The following OSBPL8 variants were observed in gnomAD, a reference collection of about 807,000 sequenced individuals.
OSBPL8 encodes oxysterol-binding protein-related protein 8.
In OSBPL8, 59 loss-of-function variants were observed where a neutral mutation model predicts 125.5. That is an observed-to-expected ratio of 0.47 (90% CI 0.38 to 0.58). The LOEUF is 0.58. Among genes scored for constraint, OSBPL8 ranks in the 20% least tolerant of loss-of-function variants. OSBPL8 has a pLI of 0.00. For synonymous variants in OSBPL8, 330 were observed against 338.9 expected (o/e 0.97, Z 0.29); for missense variants, 758 against 1,047.8 (o/e 0.72, Z 3.82).
At chr12:76,508,333 A>G (rs1395163506) in intron 1 of OSBPL8, among the ~76,000 whole-genome samples, 2 of 152,260 alleles carry the variant, frequency 1.3e-5, no homozygotes, top group African/African-American at 4.8e-5. Context: ...GTCATCAGCC[A>G]TACCATATAA....
rs117389618 is a variant in OSBPL8, at chr12:76,371,833, A to G, written c.1918-249T>C. Reference sequence around the variant, plus strand: ...TTGAATATCCAGTTTGTGAAATTTCATAAGTTTTACTTAATAAATTTCAAA... The same window carrying G: ...TTGAATATCCAGTTTGTGAAATTTCGTAAGTTTTACTTAATAAATTTCAAA... On this transcript the variant is annotated intron_variant, in intron 18 of 23. Transcript: ENST00000261183. 3.3e-3 allele frequency: 916 copies of G among 275,388 alleles called. 8 individuals carry two copies. The highest frequency in any genetic ancestry group is 0.012 in the African/African-American group (539 of 45,546). The allele number at this position is 275,388 out of a possible 1,614,324, so 17.1% of individuals were successfully genotyped here. A position where few individuals can be genotyped will look rare whatever the true frequency, so the allele number is the denominator to read the frequency against.
chr12:76,368,682 C>T (rs1379178537), intron 21 of OSBPL8, among the ~76,000 whole-genome samples: 1 of 152,038 alleles, frequency 6.6e-6, no homozygotes, highest in East Asian at 1.9e-4. Context: ...CTTTTGAATA[C>T]CTCTAGTGAA....
chr12:76,558,474 G>A (rs1283181831), intron 1 of OSBPL8, among the ~76,000 whole-genome samples: 1 of 152,160 alleles, frequency 6.6e-6, no homozygotes, highest in African/African-American at 2.4e-5. Flanking sequence ...TGCCATGCAG[G>A]AGACACTGTA....
At chr12:76,435,764 G>A (rs1329363887) in intron 4 of OSBPL8, among the ~76,000 whole-genome samples, 1 of 152,172 alleles carries the variant, frequency 6.6e-6, no homozygotes, top group Non-Finnish European at 1.5e-5. Flanking sequence ...TGATGGTAAA[G>A]AAAGGAGAGT....
intron 12 of OSBPL8, among the ~76,000 whole-genome samples, chr12:76,387,656 C>A (rs552104296): frequency 6.6e-6 from 1 of 152,254 alleles, no homozygotes; most frequent in East Asian, 1.9e-4. Context: ...TTACGTTTCA[C>A]AAGCATGTCT....
chr12:76,456,068 CAAA>C (rs1285468961), intron 3 of OSBPL8, among the ~76,000 whole-genome samples: 1 of 152,050 alleles, frequency 6.6e-6, no homozygotes, highest in African/African-American at 2.4e-5. Flanking sequence ...GAACATGAAT[CAAA>C]AACATTTTTA....
chr12:76,404,551 G>A (rs1387096226), intron 5 of OSBPL8, among the ~76,000 whole-genome samples: 1 of 151,702 alleles, frequency 6.6e-6, no homozygotes, highest in Non-Finnish European at 1.5e-5. Context: ...CGCCTCTTCT[G>A]CCTCTGCCAC....
At chr12:76,418,604 G>A (rs1188450826) in intron 4 of OSBPL8, among the ~76,000 whole-genome samples, 5 of 152,104 alleles carry the variant, frequency 3.3e-5, no homozygotes, top group Admixed American at 1.3e-4. Flanking sequence ...GCTGAAGTGG[G>A]CAGATCACTT....
At chr12:76,369,325 A>C (rs759620844) in intron 20 of OSBPL8, 24 bp from the exon 21 acceptor site, 2 of 1,571,036 alleles carry the variant, frequency 1.3e-6, no homozygotes, top group Admixed American at 2.1e-5. Flanking sequence ...AAAAAAAAAA[A>C]CCATTTGCTC....
chr12:76,444,046 T>C (rs1872502362), intron 4 of OSBPL8, among the ~76,000 whole-genome samples: 1 of 152,020 alleles, frequency 6.6e-6, no homozygotes, highest in Admixed American at 6.5e-5. Flanking sequence ...GTGTGTGGGG[T>C]AAGGAGAGTC....
At chr12:76,400,451 C>A (rs770791870) in intron 6 of OSBPL8, among the ~76,000 whole-genome samples, 15 of 152,174 alleles carry the variant, frequency 9.9e-5, no homozygotes, top group Non-Finnish European at 1.5e-4. Context: ...AACAGTGCTG[C>A]AATGAACATA....
intron 5 of OSBPL8, among the ~76,000 whole-genome samples, chr12:76,403,352 C>A (rs1224380761): frequency 6.6e-6 from 1 of 152,168 alleles, no homozygotes; most frequent in East Asian, 1.9e-4. Context: ...TCTTTCCAGA[C>A]TTTCAGTTTA....
At chr12:76,505,133 T>C (rs1017641773) in intron 1 of OSBPL8, among the ~76,000 whole-genome samples, 1 of 152,182 alleles carries the variant, frequency 6.6e-6, no homozygotes, top group Non-Finnish European at 1.5e-5. Flanking sequence ...GCTCTATGTA[T>C]ATTAAATTCT....
intron 21 of OSBPL8, among the ~76,000 whole-genome samples, chr12:76,361,993 G>C (rs1307822025): frequency 6.6e-6 from 1 of 152,176 alleles, no homozygotes; most frequent in Non-Finnish European, 1.5e-5. Context: ...GTAACAAGAA[G>C]TATTCTCAAT....
Position 76,369,216 on chromosome 12 carries a change from T to C in OSBPL8, c.2326A>G (p.Met776Val), listed in dbSNP as rs763086207. 3.1e-6 allele frequency: 5 copies of C among 1,610,616 alleles called. No homozygotes were observed. The South Asian group carries it at 3.3e-5, about 11-fold the overall frequency. ...GTACCTAGTTTTTTATTACATACCATTGGAGTACGATGTTTCACTTTGGTC... is the reference window on the plus strand; with the variant it reads ...GTACCTAGTTTTTTATTACATACCACTGGAGTACGATGTTTCACTTTGGTC... Reference protein sequence around the residue: ...IQTKVKHRTPMVSVPKMKHKP... With the variant: ...IQTKVKHRTPVVSVPKMKHKP... The change falls in exon 21 of 24, where the codon ATG becomes GTG. Residue 776 changes from methionine to valine, a missense_variant and splice_region_variant. Met to Val is a conservative substitution (Grantham distance 21). Coordinates refer to ENST00000261183, the MANE Select transcript of OSBPL8 (RefSeq NM_020841.5).
intron 22 of OSBPL8, among the ~76,000 whole-genome samples, chr12:76,358,338 C>A (rs1952067624): frequency 6.6e-6 from 1 of 151,912 alleles, no homozygotes; most frequent in Non-Finnish European, 1.5e-5. Flanking sequence ...CACCACCGCA[C>A]CTGGCTAATT....
chr12:76,484,496 G>T (rs1416233854), intron 2 of OSBPL8, among the ~76,000 whole-genome samples: 2 of 152,108 alleles, frequency 1.3e-5, no homozygotes, highest in African/African-American at 4.8e-5. Flanking sequence ...GGATGTTTAC[G>T]TATGTGTAGC....
At chr12:76,440,621 A>T (rs1389851141) in intron 4 of OSBPL8, among the ~76,000 whole-genome samples, 1 of 152,140 alleles carries the variant, frequency 6.6e-6, no homozygotes, top group African/African-American at 2.4e-5. Flanking sequence ...GAATTTCTCA[A>T]GGAAGACTCT....
At position 76,389,648 on chromosome 12, in the gene OSBPL8, G is replaced by C. The variant is rs1953474467; in HGVS notation, c.1349C>G (p.Ser450Cys). ...SDYYYHADFLSEAALEENPYF... is the reference protein window; with the variant it reads ...SDYYYHADFLCEAALEENPYF... ...TAAGAAATAAGAATCTACTTACTCA[G>C]ATAGGAAATCTGCATGATAGTAGTA... The change falls in exon 12 of 24, where the codon TCT becomes TGT. Residue 450 changes from serine to cysteine, a missense_variant. Coordinates refer to ENST00000261183, the MANE Select transcript of OSBPL8 (RefSeq NM_020841.5). 1 of 1,559,716 alleles carries C rather than the reference G, an allele frequency of 6.4e-7. No homozygotes were observed. Among genetic ancestry groups the C allele is most frequent in the Non-Finnish European group, 8.7e-7 (1 of 1,152,426 alleles).
Sources: allele counts gnomAD v4.1 joint callset (sites outside exome capture counted in the v4.1 genomes callset), GRCh38; gene constraint gnomAD v4.1.1; transcripts MANE v1.5; gene names NCBI Gene and HGNC (gene_info 2026-07-23, HGNC 2026-07-21).